The following AHI1 variants were observed in gnomAD, a reference collection of about 807,000 sequenced individuals.
The protein encoded by AHI1 is jouberin.
Under a neutral mutation model 149.3 loss-of-function variants are expected in AHI1, and 123 were observed. That is an observed-to-expected ratio of 0.82 (90% CI 0.71 to 0.96). AHI1 has a LOEUF of 0.96. Ranked by LOEUF, AHI1 falls within the 40% of genes least tolerant of loss-of-function variation. The pLI is 0.00. For synonymous variants in AHI1, 475 were observed against 459.8 expected (o/e 1.03, Z -0.42); for missense variants, 1,439 against 1,422.7 (o/e 1.01, Z -0.18).
intron 24 of AHI1, among the ~76,000 whole-genome samples, chr6:135,336,263 C>T (rs1316173243): frequency 6.6e-6 from 1 of 151,874 alleles, no homozygotes; most frequent in Non-Finnish European, 1.5e-5. Context: ...TACATTATAG[C>T]TGTCATAATG....
chr6:135,429,831 T>C (rs1784397708), intron 18 of AHI1, 51 bp downstream of exon 18: 4 of 1,073,980 alleles, frequency 3.7e-6, no homozygotes, highest in African/African-American at 1.6e-5. Flanking sequence ...ATAATTTAAT[T>C]CATTACTTAC....
chr6:135,349,914 C>T (rs988175115), intron 24 of AHI1, among the ~76,000 whole-genome samples: 3 of 152,176 alleles, frequency 2.0e-5, no homozygotes, highest in African/African-American at 7.2e-5. Context: ...AATGCTAAAA[C>T]CCAGTTTGCA....
At chr6:135,461,341 A>C (rs568438420) in intron 8 of AHI1, among the ~76,000 whole-genome samples, 1 of 152,178 alleles carries the variant, frequency 6.6e-6, no homozygotes, top group South Asian at 2.1e-4. Context: ...CATGGAAATA[A>C]AATTAAAACC....
chr6:135,483,229 T>A (rs1474764002), intron 5 of AHI1, among the ~76,000 whole-genome samples: 3 of 151,798 alleles, frequency 2.0e-5, no homozygotes, highest in Non-Finnish European at 4.4e-5. Context: ...AGTTACCCCC[T>A]GAAAACACTA....
At chr6:135,323,478 T>A in intron 24 of AHI1, 154 bp from the exon 25 acceptor site, 1 of 622,908 alleles carries the variant, frequency 1.6e-6, no homozygotes. Context: ...GGATGAGGGG[T>A]GGTGGGAACA....
intron 26 of AHI1, among the ~76,000 whole-genome samples, chr6:135,306,600 G>C (rs183900472): frequency 1.3e-5 from 2 of 152,316 alleles, no homozygotes; most frequent in African/African-American, 2.4e-5. Flanking sequence ...CTCATGAAGA[G>C]ACAGTGTCAA....
At chr6:135,325,848 A>G (rs879749337) in intron 24 of AHI1, among the ~76,000 whole-genome samples, 2 of 152,198 alleles carry the variant, frequency 1.3e-5, no homozygotes, top group Non-Finnish European at 2.9e-5. Context: ...GGAAGGATTC[A>G]GCTTAGGCAA....
At chr6:135,460,309 T>A (rs1356138459) in intron 8 of AHI1, among the ~76,000 whole-genome samples, 1 of 152,208 alleles carries the variant, frequency 6.6e-6, no homozygotes. Flanking sequence ...AAAAATTTTT[T>A]AAATGCCATT....
chr6:135,316,949 TTTC>T lies in AHI1; in HGVS notation c.3426+1567_3426+1569del, dbSNP rs376252484. Among the ~76,000 whole-genome samples the T allele has an allele frequency of 5.6e-4, 85 of 152,280 alleles. No homozygotes were observed. In the East Asian group the frequency reaches 0.012, roughly 22 times the overall value. On this transcript the variant is annotated intron_variant, in intron 26 of 28. Transcript: ENST00000265602. ...TTCCTTTTCCCTGTCTTCCCAAATC[TTTC>T]TTATTTATTTCATTACTTCTATGGC...
chr6:135,403,644 AT>A (rs1414442189), intron 22 of AHI1, among the ~76,000 whole-genome samples: 1 of 152,218 alleles, frequency 6.6e-6, no homozygotes, highest in Non-Finnish European at 1.5e-5. Flanking sequence ...TAGTCAGAAA[AT>A]AAATTGTATT....
At chr6:135,489,821 A>C (rs1794992119) in intron 5 of AHI1, 1 of 185,170 alleles carries the variant, frequency 5.4e-6, no homozygotes, top group Admixed American at 5.9e-5. Context: ...TAAAATGAAC[A>C]GGTCTTAAGA....
chr6:135,327,428 T>C (rs960494148), intron 24 of AHI1, among the ~76,000 whole-genome samples: 5 of 152,182 alleles, frequency 3.3e-5, no homozygotes, highest in East Asian at 1.9e-4. Flanking sequence ...AGCAAAGAAA[T>C]TGGAGCATGT....
chr6:135,473,903 T>A (rs1348750957), intron 5 of AHI1, among the ~76,000 whole-genome samples: 1 of 151,980 alleles, frequency 6.6e-6, no homozygotes, highest in African/African-American at 2.4e-5. Flanking sequence ...CAACGTATGA[T>A]TTTTTTTACT....
chr6:135,449,443 G>A (rs1449617862), intron 11 of AHI1, among the ~76,000 whole-genome samples: 1 of 152,138 alleles, frequency 6.6e-6, no homozygotes, highest in East Asian at 1.9e-4. Context: ...GAAATGAAAC[G>A]TCTTTCTAAC....
chr6:135,391,224 C>T (rs915715423), intron 23 of AHI1, among the ~76,000 whole-genome samples: 1 of 152,170 alleles, frequency 6.6e-6, no homozygotes, highest in African/African-American at 2.4e-5. Flanking sequence ...GAATCCCTTT[C>T]ATATTCATTC....
intron 23 of AHI1, among the ~76,000 whole-genome samples, chr6:135,363,026 TA>T (rs1040057586): frequency 6.7e-6 from 1 of 150,340 alleles, no homozygotes; most frequent in African/African-American, 2.4e-5. Context: ...ATCTTTTTTT[TA>T]AATTTTATTT....
chr6:135,349,861 G>C (rs1791810870), intron 24 of AHI1, among the ~76,000 whole-genome samples: 1 of 152,048 alleles, frequency 6.6e-6, no homozygotes, highest in Admixed American at 6.6e-5. Flanking sequence ...AAGTCCCTTG[G>C]CAAGAGACCT....
At chr6:135,345,041 AAT>A (rs1273546497) in intron 24 of AHI1, among the ~76,000 whole-genome samples, 11 of 152,292 alleles carry the variant, frequency 7.2e-5, no homozygotes, top group Non-Finnish European at 1.5e-4. Flanking sequence ...AAAGAATTTG[AAT>A]TAGACATTTC....
chr6:135,417,169 C>T (rs1782498808), intron 20 of AHI1, among the ~76,000 whole-genome samples: 2 of 151,962 alleles, frequency 1.3e-5, no homozygotes, highest in African/African-American at 4.8e-5. Context: ...TGATCTTTGT[C>T]TTATTTGCTT....
Sources: gnomAD v4.1 joint callset for allele counts (sites outside exome capture counted in the v4.1 genomes callset) on GRCh38, gnomAD v4.1.1 for gene constraint, MANE v1.5 for transcripts, NCBI Gene and HGNC (gene_info 2026-07-23, HGNC 2026-07-21) for gene names.